ZNF385B: variants seen among roughly 807,000 people sequenced by gnomAD.
The protein encoded by ZNF385B is zinc finger protein 385B, also known as zinc finger protein 533.
A neutral mutation model predicts 39.2 loss-of-function variants in ZNF385B; 23 were observed. That is an observed-to-expected ratio of 0.59 (90% confidence interval 0.42 to 0.83). The LOEUF is 0.83. ZNF385B is among the 40% of genes least tolerant of loss of function. ZNF385B has a pLI of 0.00. For missense variants in ZNF385B, 552 were observed against 598.9 expected, an observed-to-expected ratio of 0.92 and a Z score of 0.82; for synonymous variants, 205 against 222.6, an observed-to-expected ratio of 0.92 and a Z score of 0.70.
At chr2:179,580,405 C>G (rs777746666) in intron 3 of ZNF385B, among the ~76,000 whole-genome samples, 1 of 152,070 alleles carries the variant, frequency 6.6e-6, no homozygotes, top group Non-Finnish European at 1.5e-5. Context: ...AACACTCACT[C>G]TTTGTGGGTA....
At chr2:179,654,083 C>T (rs887491783) in intron 3 of ZNF385B, among the ~76,000 whole-genome samples, 2 of 152,080 alleles carry the variant, frequency 1.3e-5, no homozygotes, top group Admixed American at 6.5e-5. Flanking sequence ...ACAGAATCAA[C>T]GGATGGATTT....
chr2:179,608,250 T>A (rs540242836), intron 3 of ZNF385B, among the ~76,000 whole-genome samples: 2 of 152,274 alleles, frequency 1.3e-5, no homozygotes, highest in African/African-American at 4.8e-5. Context: ...TCTTTTTCTT[T>A]TTCTTGGTCT....
chr2:179,653,654 T>C (rs956336978), intron 3 of ZNF385B, among the ~76,000 whole-genome samples: 14 of 152,190 alleles, frequency 9.2e-5, no homozygotes, highest in Non-Finnish European at 2.1e-4. Flanking sequence ...TGCTACTTTA[T>C]AAGAGACATA....
intron 3 of ZNF385B, among the ~76,000 whole-genome samples, chr2:179,616,697 C>T (rs555877430): frequency 6.6e-6 from 1 of 152,082 alleles, no homozygotes; most frequent in African/African-American, 2.4e-5. Context: ...GTAGCTGGTA[C>T]CACAGTTGCA....
At chr2:179,593,174 A>G (rs1687717676) in intron 3 of ZNF385B, among the ~76,000 whole-genome samples, 1 of 152,168 alleles carries the variant, frequency 6.6e-6, no homozygotes, top group African/African-American at 2.4e-5. Flanking sequence ...CTTTTTTGAA[A>G]AACTATAATA....
intron 1 of ZNF385B, among the ~76,000 whole-genome samples, chr2:179,860,019 T>C (rs559782462): frequency 6.6e-6 from 1 of 152,330 alleles, no homozygotes; most frequent in African/African-American, 2.4e-5. Context: ...GTTTCATGAA[T>C]TGTGTGGACG....
rs1237413664 is a variant in ZNF385B, at chr2:179,443,354, A to G, written c.1357T>C (p.Ser453Pro). The change falls in exon 10 of 10, where the codon TCT (serine) becomes CCT (proline). Residue 453 changes from serine to proline, a missense_variant. By Grantham distance (74) the Ser-to-Pro change is moderately conservative. Coordinates refer to ENST00000410066, the MANE Select transcript of ZNF385B (RefSeq NM_152520.6). Reference sequence around the variant, plus strand: ...GCTGGAGCCTGGAAGAGCGAGGCAGAGGGCCGGGGTGGGAGTGACAGCGCT... The same window carrying G: ...GCTGGAGCCTGGAAGAGCGAGGCAGGGGGCCGGGGTGGGAGTGACAGCGCT... ...SSALSLPPRP[S>P]ASLFQAPAIP... is the part of the protein sequence containing the mutation. 2 of 1,612,424 alleles carry G rather than the reference A, an allele frequency of 1.2e-6. No homozygotes were observed. Among genetic ancestry groups the G allele is most frequent in the Admixed American group, 3.3e-5 (2 of 59,914 alleles).
chr2:179,698,099 G>A (rs543367545), intron 3 of ZNF385B, among the ~76,000 whole-genome samples: 3 of 152,074 alleles, frequency 2.0e-5, no homozygotes, highest in South Asian at 2.1e-4. Flanking sequence ...TAAATGACGA[G>A]TTAATGGGTG....
intron 3 of ZNF385B, among the ~76,000 whole-genome samples, chr2:179,647,464 T>A (rs1692820511): frequency 1.3e-5 from 2 of 152,098 alleles, no homozygotes. Context: ...GTCCTGGTCC[T>A]GAGTCTGACC....
intron 1 of ZNF385B, among the ~76,000 whole-genome samples, chr2:179,821,465 C>T (rs1307249941): frequency 2.0e-5 from 3 of 152,048 alleles, no homozygotes; most frequent in Non-Finnish European, 4.4e-5. Flanking sequence ...GAGTTCCGTT[C>T]TTTTACATTT....
intron 3 of ZNF385B, chr2:179,745,937 A>G (rs1702357791): frequency 3.2e-6 from 4 of 1,233,530 alleles, no homozygotes; most frequent in Non-Finnish European, 4.1e-6. Flanking sequence ...AATCCTTTAC[A>G]TGCTGGCAAC....
chr2:179,852,034 T>C (rs2105443271), intron 1 of ZNF385B, among the ~76,000 whole-genome samples: 1 of 152,338 alleles, frequency 6.6e-6, no homozygotes, highest in African/African-American at 2.4e-5. Flanking sequence ...ATGTAAGCTA[T>C]GCACAGTGAG....
intron 5 of ZNF385B, among the ~76,000 whole-genome samples, chr2:179,495,889 A>G (rs2056149931): frequency 6.6e-6 from 1 of 152,174 alleles, no homozygotes; most frequent in African/African-American, 2.4e-5. Flanking sequence ...GACGGCTACA[A>G]ATAAGCCCAG....
intron 3 of ZNF385B, among the ~76,000 whole-genome samples, chr2:179,662,869 TTTTG>T (rs1399948469): frequency 2.7e-5 from 4 of 147,752 alleles, no homozygotes; most frequent in African/African-American, 1.1e-4. Flanking sequence ...TATTTTCAAT[TTTTG>T]TTTTTTATTA....
chr2:179,596,814 C>T (rs968373542), intron 3 of ZNF385B, among the ~76,000 whole-genome samples: 3 of 152,032 alleles, frequency 2.0e-5, no homozygotes, highest in Non-Finnish European at 4.4e-5. Flanking sequence ...TAATAGTTTA[C>T]CCCAATTTAT....
chr2:179,595,686 T>C (rs1051663589), intron 3 of ZNF385B, among the ~76,000 whole-genome samples: 1 of 150,510 alleles, frequency 6.6e-6, no homozygotes, highest in Non-Finnish European at 1.5e-5. Context: ...AGTGAAGTAG[T>C]ATGATCACAG....
chr2:179,696,325 A>ATTTTTTTTTTT (rs1333224792), intron 3 of ZNF385B, among the ~76,000 whole-genome samples: 26 of 9,814 alleles, frequency 2.6e-3, no homozygotes, highest in Non-Finnish European at 5.3e-3. Flanking sequence ...ACAAACTGGG[A>ATTTTTTTTTTT]CTTTTTTTTT....
chr2:179,554,336 G>T (rs754438107), intron 3 of ZNF385B, among the ~76,000 whole-genome samples: 1 of 149,312 alleles, frequency 6.7e-6, no homozygotes, highest in African/African-American at 2.5e-5. Flanking sequence ...TAAATGTTTC[G>T]ACAGATGAGA....
chr2:179,755,259 T>G (rs1318145411), intron 3 of ZNF385B, among the ~76,000 whole-genome samples: 1 of 152,238 alleles, frequency 6.6e-6, no homozygotes, highest in Admixed American at 6.5e-5. Flanking sequence ...AGTTTCTTAA[T>G]CCTGAATTCT....
Sources: allele counts gnomAD v4.1 joint callset (sites outside exome capture counted in the v4.1 genomes callset), GRCh38; gene constraint gnomAD v4.1.1; transcripts MANE v1.5; gene names NCBI Gene and HGNC (gene_info 2026-07-23, HGNC 2026-07-21).